GABRB3: variants seen among roughly 807,000 people sequenced by gnomAD.
GABRB3 encodes the protein gamma-aminobutyric acid type A receptor subunit beta3.
GABRB3 carries 14 observed loss-of-function variants against 52.1 expected under a neutral mutation model. The observed-to-expected ratio is 0.27, with a 90% CI of 0.18 to 0.42. GABRB3 has a LOEUF of 0.42. Ranked by LOEUF, GABRB3 falls within the 10% of genes least tolerant of loss-of-function variation. GABRB3 has a pLI of 1.00. For missense variants in GABRB3, 307 were observed against 609.1 expected, an observed-to-expected ratio of 0.50 and a Z score of 5.22; for synonymous variants, 260 against 232.3, an observed-to-expected ratio of 1.12 and a Z score of -1.08.
chr15:26,672,155 A>G (rs1887918548), intron 3 of GABRB3, among the ~76,000 whole-genome samples: 1 of 152,290 alleles, frequency 6.6e-6, no homozygotes, highest in Non-Finnish European at 1.5e-5. Context: ...AACGTGCCAC[A>G]GTGACATAGG....
At chr15:26,773,151 AGCGCGCGCGGGC>A (rs1891206465), upstream of GABRB3, 1 of 338,800 alleles carries the variant, frequency 3.0e-6, no homozygotes, top group African/African-American at 2.3e-5. Flanking sequence ...GGGAGGGAGG[AGCGCGCGCGGGC>A]GCGGGGCGGG....
chr15:26,683,585 G>A (rs1039253842), intron 3 of GABRB3, among the ~76,000 whole-genome samples: 31 of 152,312 alleles, frequency 2.0e-4, no homozygotes, highest in African/African-American at 7.0e-4. Flanking sequence ...GAAGACATAC[G>A]TGAACCTGAT....
Position 26,583,333 on chromosome 15 carries a change from G to A in GABRB3, c.543C>T (p.Ser181=). The change falls in exon 5 of 9, where the codon AGC becomes AGT. Residue 181 remains serine, a splice_region_variant and synonymous_variant. Coordinates refer to ENST00000311550, the MANE Select transcript of GABRB3 (RefSeq NM_000814.6). ...AGAAACACAGATACGGATACACACAGCTTTCAATTTCCAGAGTGCAGTTCT... is the reference window on the plus strand; with the variant it reads ...AGAAACACAGATACGGATACACACAACTTTCAATTTCCAGAGTGCAGTTCT... ...DEQNCTLEIE[S]YGYTTDDIEF... is the part of the protein sequence containing the mutation. 2 of 1,610,562 alleles carry A rather than the reference G, an allele frequency of 1.2e-6. No homozygotes were observed. The highest frequency in any genetic ancestry group is 1.7e-6 in the Non-Finnish European group (2 of 1,176,826).
intron 3 of GABRB3, among the ~76,000 whole-genome samples, chr15:26,723,790 T>G (rs1468675619): frequency 6.6e-6 from 1 of 152,184 alleles, no homozygotes; most frequent in African/African-American, 2.4e-5. Flanking sequence ...TCTCTCTGAT[T>G]ATCCATGAGG....
intron 3 of GABRB3, among the ~76,000 whole-genome samples, chr15:26,638,583 T>C (rs536543573): frequency 6.6e-6 from 1 of 152,330 alleles, no homozygotes; most frequent in East Asian, 1.9e-4. Context: ...AGCACTACTT[T>C]GTAGTCTCTT....
chr15:26,567,966 C>T (rs753156657), intron 6 of GABRB3, among the ~76,000 whole-genome samples: 10 of 152,204 alleles, frequency 6.6e-5, no homozygotes, highest in South Asian at 2.1e-4. Flanking sequence ...TAAGGCTAAA[C>T]GCTCGGTTGA....
intron 3 of GABRB3, among the ~76,000 whole-genome samples, chr15:26,686,109 A>T (rs896841178): frequency 6.6e-6 from 1 of 151,660 alleles, no homozygotes; most frequent in Non-Finnish European, 1.5e-5. Flanking sequence ...TACCTGACTA[A>T]TTTTTTTATT....
chr15:26,644,761 G>C (rs560033861), intron 3 of GABRB3, among the ~76,000 whole-genome samples: 34 of 152,280 alleles, frequency 2.2e-4, no homozygotes, highest in African/African-American at 7.7e-4. Flanking sequence ...TTAAGCTGCC[G>C]AACAACAGGG....
chr15:26,739,320 C>T (rs907829986), intron 3 of GABRB3, among the ~76,000 whole-genome samples: 2 of 151,980 alleles, frequency 1.3e-5, no homozygotes, highest in African/African-American at 2.4e-5. Flanking sequence ...AGCTTATTCT[C>T]GTCTCTGCTT....
Position 26,773,036 on chromosome 15 carries a change from C to T in GABRB3, c.-74G>A. ...CGACCCGCAGCCGGGGCTGCTCCTG[C>T]TGCTGCCGCCGCCGCCGCCGCCGCC... is the stretch of plus-strand genomic sequence containing the variant. On this transcript the variant is annotated 5_prime_UTR_variant, in exon 1 of 9. Transcript: ENST00000311550. 9.7e-7 allele frequency: 1 copy of T among 1,029,872 alleles called. No homozygotes were observed. Among genetic ancestry groups the T allele is most frequent in the Non-Finnish European group, 1.1e-6 (1 of 885,220 alleles). 63.8% of individuals were successfully genotyped at this position (1,029,872 alleles called of 1,614,324 possible).
chr15:26,712,206 A>T (rs1224527558), intron 3 of GABRB3, among the ~76,000 whole-genome samples: 1 of 150,764 alleles, frequency 6.6e-6, no homozygotes, highest in Non-Finnish European at 1.5e-5. Flanking sequence ...TACAGACAGC[A>T]TCTCATTATG....
chr15:26,742,947 T>TTTAG (rs771203717), intron 3 of GABRB3, among the ~76,000 whole-genome samples: 1 of 104,168 alleles, frequency 9.6e-6, no homozygotes, highest in Admixed American at 1.3e-4. Flanking sequence ...TTTTTTTTTT[T>TTTAG]GAGACAGAGT....
chr15:26,713,133 G>A (rs558595134), intron 3 of GABRB3, among the ~76,000 whole-genome samples: 76 of 152,262 alleles, frequency 5.0e-4, no homozygotes, highest in Middle Eastern at 3.4e-3. Flanking sequence ...GGAAACGGTC[G>A]GGGTCCTCCT....
intron 3 of GABRB3, among the ~76,000 whole-genome samples, chr15:26,669,604 G>C (rs1394984942): frequency 2.0e-5 from 3 of 148,772 alleles, no homozygotes; most frequent in South Asian, 2.1e-4. Flanking sequence ...GACTCACTCT[G>C]TCTCTCTCTC....
In GABRB3 at chr15:26,580,315, T is replaced by TCACC. The variant is rs1254941219; in HGVS notation, c.682_682+3dup. On this transcript the variant is annotated splice_donor_region_variant and intron_variant, in intron 6 of 8. Coordinates refer to ENST00000311550, the MANE Select transcript of GABRB3 (RefSeq NM_000814.6). ...AAGGGACTATAAGTGGATGCAGGAC[T>TCACC]CACCTGTGGCGAAGACAACATTCCT... The TCACC allele has an allele frequency of 3.1e-6, 5 of 1,614,040 alleles. No homozygotes were observed. The Admixed American group carries it at 6.7e-5, about 22-fold the overall frequency.
intron 4 of GABRB3, among the ~76,000 whole-genome samples, chr15:26,593,692 C>T (rs747402387): frequency 6.6e-6 from 1 of 151,920 alleles, no homozygotes; most frequent in Non-Finnish European, 1.5e-5. Flanking sequence ...TATGGATATA[C>T]CATATTTTAT....
chr15:26,567,519 C>T lies in GABRB3; in HGVS notation c.835+62G>A, dbSNP rs527321440. The T allele has an allele frequency of 3.9e-6, 6 of 1,531,552 alleles. No individual in the cohort carries two copies. In the East Asian group the frequency reaches 1.4e-4, roughly 35 times the overall value. 94.9% of individuals were successfully genotyped at this position (1,531,552 alleles called of 1,614,324 possible). ...GTAGTTGAACTACAGCCTTTGAACT[C>T]TCTTAATACTGTAATGATACGGTTA... On this transcript the variant is annotated intron_variant, in intron 7 of 8. Transcript: ENST00000311550.
At chr15:26,661,337 G>A (rs61998708) in intron 3 of GABRB3, among the ~76,000 whole-genome samples, 13,088 of 151,892 alleles carry the variant, frequency 0.086, 747 homozygotes, top group Middle Eastern at 0.13. Flanking sequence ...ACATGTACAC[G>A]CACACACACG....
chr15:26,592,254 AATGGATC>A (rs1408652270), intron 4 of GABRB3, among the ~76,000 whole-genome samples: 1 of 152,172 alleles, frequency 6.6e-6, no homozygotes, highest in African/African-American at 2.4e-5. Flanking sequence ...AGGCGTAACA[AATGGATC>A]ACCTTAACCT....
Sources: gnomAD v4.1 joint callset for allele counts (sites outside exome capture counted in the v4.1 genomes callset) on GRCh38, gnomAD v4.1.1 for gene constraint, MANE v1.5 for transcripts, NCBI Gene and HGNC (gene_info 2026-07-23, HGNC 2026-07-21) for gene names.